The following HIVEP2 variants were observed in gnomAD, a reference collection of about 807,000 sequenced individuals.
The protein encoded by HIVEP2 is transcription factor HIVEP2.
In HIVEP2, 14 loss-of-function variants were observed where a neutral mutation model predicts 180.7. That is an observed-to-expected ratio of 0.08 (90% CI 0.05 to 0.12). HIVEP2 has a LOEUF of 0.12. Ranked by LOEUF, HIVEP2 falls within the 10% of genes least tolerant of loss-of-function variation. The probability of loss-of-function intolerance (pLI) is 1.00; values close to 1 mark genes in which losing one functional copy is unlikely to be tolerated. For missense variants in HIVEP2, 2,579 were observed against 3,008.5 expected (o/e 0.86, Z 3.34); for synonymous variants, 1,184 against 1,136.4 (o/e 1.04, Z -0.84).
intron 1 of HIVEP2, among the ~76,000 whole-genome samples, chr6:142,899,273 C>A (rs1202329929): frequency 6.6e-6 from 1 of 152,186 alleles, no homozygotes; most frequent in Non-Finnish European, 1.5e-5. Flanking sequence ...ATGCTGTCAA[C>A]CAGGCAAATT....
chr6:142,768,262 GA>G lies in HIVEP2; in HGVS notation c.5342+119del, dbSNP rs1775423544. 9 of 906,894 alleles carry G rather than the reference GA, an allele frequency of 9.9e-6. No homozygotes were observed. In the East Asian group the frequency reaches 2.3e-4, roughly 23 times the overall value. 56.2% of individuals were successfully genotyped at this position (906,894 alleles called of 1,614,324 possible). ...CAGCCAGAGTTCAGAACTGTGAATA[GA>G]AAAGGAATTTACTTTCAGCTTTCAA... On this transcript the variant is annotated intron_variant, in intron 6 of 9. Coordinates refer to ENST00000367603, the MANE Select transcript of HIVEP2 (RefSeq NM_006734.4).
intron 6 of HIVEP2, among the ~76,000 whole-genome samples, chr6:142,766,660 T>C (rs1562501411): frequency 6.6e-6 from 1 of 152,144 alleles, no homozygotes; most frequent in Non-Finnish European, 1.5e-5. Flanking sequence ...AGAATGAAAA[T>C]ACAGTAAAAT....
intron 1 of HIVEP2, among the ~76,000 whole-genome samples, chr6:142,872,291 G>T (rs1314853981): frequency 6.6e-6 from 1 of 152,146 alleles, no homozygotes; most frequent in Non-Finnish European, 1.5e-5. Context: ...CATCAGACCT[G>T]AATAACATAA....
chr6:142,790,249 T>G (rs1204231453), intron 2 of HIVEP2, among the ~76,000 whole-genome samples: 2 of 152,194 alleles, frequency 1.3e-5, no homozygotes, highest in Non-Finnish European at 2.9e-5. Context: ...CACTACTTCT[T>G]CTGCTGCATT....
intron 2 of HIVEP2, among the ~76,000 whole-genome samples, chr6:142,798,995 A>G (rs1776345096): frequency 6.6e-6 from 1 of 152,178 alleles, no homozygotes; most frequent in African/African-American, 2.4e-5. Flanking sequence ...TTACAAAAGT[A>G]GGTACTTGAC....
chr6:142,888,385 T>C (rs963473740), intron 1 of HIVEP2, among the ~76,000 whole-genome samples: 1 of 152,144 alleles, frequency 6.6e-6, no homozygotes, highest in African/African-American at 2.4e-5. Context: ...CCTTGGCCTC[T>C]GAAAATGCTG....
At chr6:142,935,524 G>T (rs7451685) in intron 1 of HIVEP2, among the ~76,000 whole-genome samples, 9,859 of 152,036 alleles carry the variant, frequency 0.065, 579 homozygotes, top group East Asian at 0.26. Flanking sequence ...GCACTCCAGT[G>T]GGGGCAACAG....
chr6:142,873,342 G>T (rs1776345640), intron 1 of HIVEP2, among the ~76,000 whole-genome samples: 1 of 152,124 alleles, frequency 6.6e-6, no homozygotes, highest in Non-Finnish European at 1.5e-5. Flanking sequence ...AAAAGAAGTG[G>T]ATACCTTAAA....
In HIVEP2 at chr6:142,860,604, G is replaced by A. The variant is rs139135015; in HGVS notation, c.-640-23557C>T. Among the ~76,000 whole-genome samples the A allele has an allele frequency of 2.1e-4, 32 of 152,268 alleles. 1 individual carries two copies. The East Asian group carries it at 5.6e-3, about 27-fold the overall frequency. ...ATGGGAGACAGTGACAGATCATCAT[G>A]CATTAGATTCTCTTTGGGCAAGAGA... On this transcript the variant is annotated intron_variant, in intron 1 of 9. Coordinates refer to ENST00000367603, the MANE Select transcript of HIVEP2 (RefSeq NM_006734.4).
At chr6:142,828,639 T>A (rs551423817) in intron 2 of HIVEP2, among the ~76,000 whole-genome samples, 1 of 152,028 alleles carries the variant, frequency 6.6e-6, no homozygotes, top group South Asian at 2.1e-4. Flanking sequence ...ACCATGTTGG[T>A]CAGGCTGGTC....
In HIVEP2 at chr6:142,771,305, G is replaced by A. The variant is rs373421716; in HGVS notation, c.3434C>T (p.Pro1145Leu). The A allele has an allele frequency of 6.4e-5, 104 of 1,613,384 alleles. No individual in the cohort carries two copies. In the East Asian group the frequency reaches 1.2e-3, roughly 19 times the overall value. ...PGKQVAGPCP[P>L]LSSGPLHLAQ... ...CAGGTGCAGTGGCCCCGAGCTCAGC[G>A]GGGGACAAGGACCCGCCACCTGCTT... is the stretch of plus-strand genomic sequence containing the variant. Residue 1145 changes from proline to leucine, a missense_variant, in exon 5 of 10, where the codon CCG becomes CTG. Pro to Leu is a moderately conservative substitution (Grantham distance 98). Transcript: ENST00000367603. The surrounding 1 kb of genome is among the most constrained non-coding windows in gnomAD (Gnocchi z 5.4).
chr6:142,832,741 C>G (rs949983492), intron 2 of HIVEP2, among the ~76,000 whole-genome samples: 1 of 152,130 alleles, frequency 6.6e-6, no homozygotes, highest in Non-Finnish European at 1.5e-5. Flanking sequence ...CTCCAGAGGC[C>G]ATTCTTGATC....
Position 142,768,410 on chromosome 6 carries a change from G to A in HIVEP2, c.5314C>T (p.Pro1772Ser). ...CCTTCAAATATTTTAATTCGGATTG[G>A]CTCAGTTTGTTTGGATCCAATATCT... ...DKDIGSKQTE[P>S]IRIKIFEGGY... The change falls in exon 6 of 10, where the codon CCA becomes TCA. Residue 1772 changes from proline to serine, a missense_variant. Physicochemically the swap from Pro to Ser is moderately conservative, Grantham distance 74. Transcript: ENST00000367603. The A allele has an allele frequency of 6.2e-7, 1 of 1,611,058 alleles. No homozygotes were observed. Among genetic ancestry groups the A allele is most frequent in the South Asian group, 1.1e-5 (1 of 90,650 alleles).
chr6:142,794,802 G>A (rs1010251631), intron 2 of HIVEP2, among the ~76,000 whole-genome samples: 4 of 152,242 alleles, frequency 2.6e-5, no homozygotes, highest in Non-Finnish European at 5.9e-5. Context: ...TATAAATTCA[G>A]ATTTAGAAAC....
At chr6:142,864,136 T>C (rs1233012018) in intron 1 of HIVEP2, among the ~76,000 whole-genome samples, 1 of 152,180 alleles carries the variant, frequency 6.6e-6, no homozygotes, top group East Asian at 1.9e-4. Context: ...GCTACCCTTG[T>C]TGAGTATTTT....
At chr6:142,781,063 C>G (rs530056302) in intron 3 of HIVEP2, among the ~76,000 whole-genome samples, 1 of 152,114 alleles carries the variant, frequency 6.6e-6, no homozygotes, top group African/African-American at 2.4e-5. Flanking sequence ...ATTAAATGTA[C>G]CATTGTATCT....
At chr6:142,912,266 T>G (rs1239678137) in intron 1 of HIVEP2, among the ~76,000 whole-genome samples, 1 of 152,232 alleles carries the variant, frequency 6.6e-6, no homozygotes, top group Non-Finnish European at 1.5e-5. Context: ...TGTCAGTCTT[T>G]CTGAAAAGAC....
intron 1 of HIVEP2, among the ~76,000 whole-genome samples, chr6:142,915,612 C>T (rs1777531285): frequency 6.6e-6 from 1 of 152,156 alleles, no homozygotes; most frequent in African/African-American, 2.4e-5. Flanking sequence ...CACATAGATG[C>T]TATGACACTG....
intron 1 of HIVEP2, among the ~76,000 whole-genome samples, chr6:142,888,694 G>A (rs1188686077): frequency 6.6e-6 from 1 of 152,110 alleles, no homozygotes; most frequent in African/African-American, 2.4e-5. Flanking sequence ...ATATTCAAGA[G>A]AGTCATCCTT....
Sources: allele counts gnomAD v4.1 joint callset (sites outside exome capture counted in the v4.1 genomes callset), GRCh38; gene constraint gnomAD v4.1.1; non-coding constraint Gnocchi (gnomAD v3.1); transcripts MANE v1.5; gene names NCBI Gene and HGNC (gene_info 2026-07-23, HGNC 2026-07-21).